Variants in KATNIP observed in about 807,000 individuals in gnomAD.
The protein encoded by KATNIP is katanin interacting protein, also known as katanin-interacting protein.
In KATNIP, 126 loss-of-function variants were observed where a neutral mutation model predicts 174.0. The ratio of observed to expected loss-of-function variants is 0.72; its 90% CI spans 0.63 to 0.84. The LOEUF is 0.84. Among genes scored for constraint, KATNIP ranks in the 40% least tolerant of loss-of-function variants. The pLI, the probability that KATNIP is intolerant of heterozygous loss-of-function variation, is 0.00. For synonymous variants in KATNIP, 810 were observed against 835.7 expected (o/e 0.97, Z 0.53); for missense variants, 1,958 against 2,109.7 (o/e 0.93, Z 1.41).
At position 27,749,679 on chromosome 16, in the gene KATNIP, G is replaced by A. The variant is rs374321802; in HGVS notation, c.2719G>A (p.Asp907Asn). The A allele has an allele frequency of 1.1e-5, 17 of 1,612,432 alleles. No homozygotes were observed. Among genetic ancestry groups the A allele is most frequent in the African/African-American group, 1.3e-5 (1 of 74,864 alleles). The change falls in exon 16 of 28, where the codon GAC becomes AAC. Residue 907 changes from aspartate (D) to asparagine (N), a missense_variant. Coordinates refer to ENST00000261588, the MANE Select transcript of KATNIP (RefSeq NM_015202.5). ...HESWSSLSAF[D>N]RSHRGRISNT... ...GTCATGGAGCTCCCTCAGTGCCTTC[G>A]ACCGCTCCCACCGGGGACGCATCTC...
Position 27,651,625 on chromosome 16 carries a change from C to T in KATNIP, c.540+2890C>T, listed in dbSNP as rs116872886. On this transcript the variant is annotated intron_variant, in intron 6 of 27. Transcript: ENST00000261588. ...TTCAATTTCATAGCTTCTCTGAGTT[C>T]ACAGACTGGCTTGCTGCAGACATGT... 7.7e-4 allele frequency among the ~76,000 whole-genome samples: 117 copies of T among 152,346 alleles called. 1 individual carries two copies. In the East Asian group the frequency reaches 0.018, roughly 24 times the overall value.
chr16:27,733,151 T>C (rs927439330), intron 14 of KATNIP, among the ~76,000 whole-genome samples: 27 of 152,314 alleles, frequency 1.8e-4, no homozygotes, highest in African/African-American at 5.3e-4. Context: ...TGGCTTAAGA[T>C]GCTAAAGCCC....
intron 1 of KATNIP, among the ~76,000 whole-genome samples, chr16:27,565,197 G>C (rs894393068): frequency 5.3e-5 from 8 of 151,290 alleles, no homozygotes; most frequent in African/African-American, 1.9e-4. Flanking sequence ...CAGGCGCGGT[G>C]GCTCACACCT....
At chr16:27,596,256 C>A (rs1003366082) in intron 2 of KATNIP, among the ~76,000 whole-genome samples, 3 of 151,936 alleles carry the variant, frequency 2.0e-5, no homozygotes, top group Admixed American at 6.6e-5. Flanking sequence ...GGGGCCTGAT[C>A]CTGGGTATTG....
intron 1 of KATNIP, among the ~76,000 whole-genome samples, chr16:27,573,160 G>A (rs1339169954): frequency 6.6e-6 from 1 of 152,228 alleles, no homozygotes; most frequent in Admixed American, 6.5e-5. Context: ...ATAGCCACTG[G>A]GGAGTAAAGT....
intron 6 of KATNIP, among the ~76,000 whole-genome samples, chr16:27,669,559 C>G (rs1388827702): frequency 1.3e-5 from 2 of 152,210 alleles, no homozygotes; most frequent in Non-Finnish European, 1.5e-5. Flanking sequence ...AGCATGGTAT[C>G]TCTTTGAAGT....
chr16:27,746,598 T>A (rs968599839), intron 15 of KATNIP, among the ~76,000 whole-genome samples: 9 of 152,220 alleles, frequency 5.9e-5, no homozygotes, highest in Non-Finnish European at 1.3e-4. Context: ...TGCTGCGCAC[T>A]GGGACACCTC....
chr16:27,712,544 G>C (rs541906751), intron 13 of KATNIP, among the ~76,000 whole-genome samples: 3 of 152,196 alleles, frequency 2.0e-5, no homozygotes, highest in Admixed American at 1.3e-4. Flanking sequence ...ACCTAGAAGC[G>C]GAGGCTGGGT....
intron 13 of KATNIP, chr16:27,718,218 GCA>G (rs1283739893): frequency 1.3e-5 from 2 of 152,392 alleles, no homozygotes; most frequent in African/African-American, 4.8e-5. Context: ...TTGGTCAGTA[GCA>G]CATGCGGTAC....
intron 2 of KATNIP, among the ~76,000 whole-genome samples, chr16:27,599,171 C>T (rs187571882): frequency 1.2e-4 from 19 of 152,288 alleles, no homozygotes; most frequent in Non-Finnish European, 1.5e-5. Context: ...TTCAGGAACA[C>T]AGCTGAGGGA....
At chr16:27,653,387 G>A (rs550553484) in intron 6 of KATNIP, among the ~76,000 whole-genome samples, 2 of 152,118 alleles carry the variant, frequency 1.3e-5, no homozygotes, top group East Asian at 1.9e-4. Context: ...ATTTATAAAC[G>A]ACTAAAGACC....
intron 5 of KATNIP, among the ~76,000 whole-genome samples, chr16:27,640,151 T>C (rs963124305): frequency 7.2e-5 from 11 of 152,212 alleles, no homozygotes; most frequent in African/African-American, 2.7e-4. Flanking sequence ...AAGCTGGCCT[T>C]GGGTTGCAAA....
chr16:27,570,062 A>G (rs1482607356), intron 1 of KATNIP, among the ~76,000 whole-genome samples: 2 of 152,068 alleles, frequency 1.3e-5, no homozygotes, highest in African/African-American at 4.8e-5. Flanking sequence ...TTCACATTTT[A>G]GTAGTTAAGC....
chr16:27,611,715 T>C (rs973377958), intron 2 of KATNIP, among the ~76,000 whole-genome samples: 3 of 152,298 alleles, frequency 2.0e-5, no homozygotes, highest in African/African-American at 7.2e-5. Context: ...TGGTATCCCC[T>C]TTTCGCAGAC....
At chr16:27,589,352 C>T (rs1351115738) in intron 2 of KATNIP, among the ~76,000 whole-genome samples, 2 of 152,334 alleles carry the variant, frequency 1.3e-5, no homozygotes, top group African/African-American at 4.8e-5. Context: ...GTGGGCCACA[C>T]GGTCTCTTGT....
intron 19 of KATNIP, among the ~76,000 whole-genome samples, chr16:27,763,719 A>G (rs2082031608): frequency 6.6e-6 from 1 of 152,112 alleles, no homozygotes; most frequent in African/African-American, 2.4e-5. Context: ...CACCCTTTTT[A>G]ACAGTTTGCT....
intron 19 of KATNIP, among the ~76,000 whole-genome samples, chr16:27,763,380 A>AAGG (rs2082015645): frequency 6.7e-6 from 1 of 148,848 alleles, no homozygotes; most frequent in Admixed American, 6.7e-5. Context: ...GCTGAGGTAG[A>AAGG]AGGATTGCTT....
rs1382218266 is a variant in KATNIP, at chr16:27,776,069, G to A, written c.4450-859G>A. On this transcript the variant is annotated intron_variant, in intron 24 of 27. Transcript: ENST00000261588. This position sits in a 1 kb window ranked among gnomAD's most constrained non-coding sequence, Gnocchi z 4.7. ...TGCGGCGACTTCAGCTGTTGCTCTC[G>A]CGGCTGGACTCCAACATCTGTATCT... 1.3e-5 allele frequency among the ~76,000 whole-genome samples: 2 copies of A among 152,130 alleles called. No homozygotes were observed. Among genetic ancestry groups the A allele is most frequent in the African/African-American group, 4.8e-5 (2 of 41,406 alleles).
At chr16:27,626,906 A>C (rs1014418528) in intron 3 of KATNIP, among the ~76,000 whole-genome samples, 3 of 151,716 alleles carry the variant, frequency 2.0e-5, no homozygotes, top group Non-Finnish European at 4.4e-5. Context: ...TGGAGGTTGC[A>C]GTGAGCCGAG....
Sources: allele counts gnomAD v4.1 joint callset (sites outside exome capture counted in the v4.1 genomes callset), GRCh38; gene constraint gnomAD v4.1.1; non-coding constraint Gnocchi (gnomAD v3.1); transcripts MANE v1.5; gene names NCBI Gene and HGNC (gene_info 2026-07-23, HGNC 2026-07-21).